The following COL25A1 variants were observed in gnomAD, a reference collection of about 807,000 sequenced individuals.
COL25A1 encodes the protein collagen alpha-1(XXV) chain.
In COL25A1, 103 loss-of-function variants were observed where a neutral mutation model predicts 128.4. The observed-to-expected ratio is 0.80, with a 90% confidence interval of 0.68 to 0.94. COL25A1 has a LOEUF of 0.94. Ranked by LOEUF, COL25A1 falls within the 40% of genes least tolerant of loss-of-function variation. The pLI is 0.00. For missense variants in COL25A1, 745 were observed against 840.0 expected (o/e 0.89, Z 1.40); for synonymous variants, 279 against 277.2 (o/e 1.01, Z -0.06).
intron 26 of COL25A1, among the ~76,000 whole-genome samples, chr4:108,850,693 C>G (rs1735663876): frequency 6.6e-6 from 1 of 152,144 alleles, no homozygotes; most frequent in Non-Finnish European, 1.5e-5. Context: ...ATCTCCCTCC[C>G]TAGGCCATAA....
At chr4:109,288,237 A>T (rs1724081011) in intron 3 of COL25A1, among the ~76,000 whole-genome samples, 1 of 152,152 alleles carries the variant, frequency 6.6e-6, no homozygotes, top group African/African-American at 2.4e-5. Flanking sequence ...CTTGCTAGTG[A>T]AAAAGAAAAA....
intron 8 of COL25A1, among the ~76,000 whole-genome samples, chr4:108,952,922 C>T (rs1001846676): frequency 7.5e-6 from 1 of 133,458 alleles, no homozygotes; most frequent in African/African-American, 2.7e-5. Context: ...CTATTCAGTA[C>T]TCTGGTTTAA....
intron 14 of COL25A1, among the ~76,000 whole-genome samples, 198 bp downstream of exon 14, chr4:108,900,921 G>T (rs1035943776): frequency 1.3e-5 from 2 of 152,008 alleles, no homozygotes; most frequent in African/African-American, 4.8e-5. Context: ...TTATTTTTCT[G>T]CATTTAATAC....
At chr4:108,953,097 ACATC>A (rs1749655436) in intron 8 of COL25A1, among the ~76,000 whole-genome samples, 2 of 152,236 alleles carry the variant, frequency 1.3e-5, no homozygotes, top group South Asian at 4.1e-4. Context: ...CTGAAGTTTA[ACATC>A]CACCCTAAAT....
chr4:108,976,079 T>C (rs1301711380), intron 6 of COL25A1, among the ~76,000 whole-genome samples: 2 of 152,202 alleles, frequency 1.3e-5, no homozygotes, highest in Non-Finnish European at 2.9e-5. Flanking sequence ...TTAACATTTT[T>C]TATTCTTTAT....
chr4:108,849,043 C>A lies in COL25A1; in HGVS notation c.1390-240G>T, dbSNP rs149306296. ...TGCTTTTAGTGTTTTTATTTTTTCT[C>A]CATGTGAGATGCAGGCTAAAAAAGA... On this transcript the variant is annotated intron_variant, in intron 26 of 37. Coordinates refer to ENST00000399132, the MANE Select transcript of COL25A1 (RefSeq NM_198721.4). Among the ~76,000 whole-genome samples, 19 of 152,058 alleles carry A rather than the reference C, an allele frequency of 1.2e-4. 1 individual carries two copies. In the East Asian group the frequency reaches 3.7e-3, roughly 29 times the overall value.
chr4:108,902,404 C>T (rs984486902), intron 13 of COL25A1, among the ~76,000 whole-genome samples: 4 of 151,910 alleles, frequency 2.6e-5, no homozygotes. Context: ...CTTGAACCTT[C>T]ATGGTTTAAG....
intron 37 of COL25A1, among the ~76,000 whole-genome samples, chr4:108,814,418 C>T (rs1233840236): frequency 1.3e-5 from 2 of 152,150 alleles, no homozygotes; most frequent in African/African-American, 4.8e-5. Context: ...GTTCTTGGCT[C>T]CTCCTTCCTT....
At chr4:108,999,153 G>T (rs1474694185) in intron 6 of COL25A1, among the ~76,000 whole-genome samples, 1 of 152,112 alleles carries the variant, frequency 6.6e-6, no homozygotes, top group African/African-American at 2.4e-5. Context: ...CACAGCAAAA[G>T]AAACTATCAT....
chr4:109,051,288 A>G (rs1479464883), intron 3 of COL25A1, among the ~76,000 whole-genome samples: 3 of 152,182 alleles, frequency 2.0e-5, no homozygotes, highest in Non-Finnish European at 4.4e-5. Context: ...ATCATGAGAA[A>G]CAAAAACATC....
chr4:108,847,918 C>A (rs1735303546), intron 27 of COL25A1, among the ~76,000 whole-genome samples: 2 of 152,070 alleles, frequency 1.3e-5, no homozygotes, highest in Admixed American at 1.3e-4. Context: ...TATGATTTTC[C>A]TGATTTTAGC....
At chr4:109,014,177 C>T (rs920350932) in intron 5 of COL25A1, among the ~76,000 whole-genome samples, 5 of 152,028 alleles carry the variant, frequency 3.3e-5, no homozygotes, top group Admixed American at 1.3e-4. Context: ...CGTGGTGGCA[C>T]GCACCTGTAA....
At position 108,839,755 on chromosome 4, in the gene COL25A1, T is replaced by C. The variant is rs141286137; in HGVS notation, c.1656+1940A>G. Reference sequence around the variant, plus strand: ...TGAGGTCTTTTCAACTTTATAATTATCTGAAACTTATGATTTAAGTAAGAA... The same window carrying C: ...TGAGGTCTTTTCAACTTTATAATTACCTGAAACTTATGATTTAAGTAAGAA... On this transcript the variant is annotated intron_variant, in intron 31 of 37. Transcript: ENST00000399132. Among the ~76,000 whole-genome samples the C allele has an allele frequency of 5.8e-4, 88 of 152,322 alleles. No homozygotes were observed. In the East Asian group the frequency reaches 0.014, roughly 24 times the overall value.
At chr4:109,034,053 T>C (rs1466704554) in intron 5 of COL25A1, among the ~76,000 whole-genome samples, 2 of 152,296 alleles carry the variant, frequency 1.3e-5, no homozygotes, top group South Asian at 2.1e-4. Context: ...ACTTAAAGAA[T>C]AGAAAATAGA....
At chr4:108,911,117 G>C (rs1744166735) in intron 13 of COL25A1, among the ~76,000 whole-genome samples, 1 of 152,156 alleles carries the variant, frequency 6.6e-6, no homozygotes, top group African/African-American at 2.4e-5. Context: ...AACAGGGTGT[G>C]TGGTTTATAT....
chr4:108,886,514 T>C (rs1740847684), intron 18 of COL25A1, among the ~76,000 whole-genome samples: 1 of 145,402 alleles, frequency 6.9e-6, no homozygotes. Context: ...AGCTATTTTA[T>C]GTGTGGCCCA....
chr4:108,856,272 T>C (rs1032542852), intron 24 of COL25A1, among the ~76,000 whole-genome samples: 1 of 152,222 alleles, frequency 6.6e-6, no homozygotes, highest in African/African-American at 2.4e-5. Flanking sequence ...TTTGTAGAAA[T>C]TTAGCCACCT....
chr4:108,904,627 G>A (rs1242591592), intron 13 of COL25A1, among the ~76,000 whole-genome samples: 1 of 152,116 alleles, frequency 6.6e-6, no homozygotes, highest in Non-Finnish European at 1.5e-5. Flanking sequence ...ACCAGGTTGT[G>A]TGTGTGTATG....
At chr4:109,289,593 C>T (rs1421076998) in intron 3 of COL25A1, among the ~76,000 whole-genome samples, 1 of 152,012 alleles carries the variant, frequency 6.6e-6, no homozygotes, top group Non-Finnish European at 1.5e-5. Flanking sequence ...GGCTTTGGGA[C>T]CCAAGGGTGA....
Sources: gnomAD v4.1 joint callset for allele counts (sites outside exome capture counted in the v4.1 genomes callset) on GRCh38, gnomAD v4.1.1 for gene constraint, MANE v1.5 for transcripts, NCBI Gene and HGNC (gene_info 2026-07-23, HGNC 2026-07-21) for gene names.